Variants in STK31 observed in about 807,000 individuals in gnomAD.
STK31 encodes the protein serine/threonine kinase 31.
Under a neutral mutation model 129.7 loss-of-function variants are expected in STK31, and 89 were observed. That is an observed-to-expected ratio of 0.69 (90% CI 0.58 to 0.82). STK31 has a LOEUF of 0.82. STK31 is among the 40% of genes least tolerant of loss of function. The pLI is 0.00. For missense variants in STK31, 1,187 were observed against 1,176.4 expected (o/e 1.01, Z -0.13); for synonymous variants, 448 against 395.3 (o/e 1.13, Z -1.58).
chr7:23,741,896 G>T (rs1313733816), intron 8 of STK31, among the ~76,000 whole-genome samples: 4 of 152,200 alleles, frequency 2.6e-5, no homozygotes, highest in Non-Finnish European at 4.4e-5. Flanking sequence ...AGTCATGTCA[G>T]CCTAAAGTCA....
At chr7:23,778,872 G>A (rs182214203) in intron 15 of STK31, among the ~76,000 whole-genome samples, 37 of 151,998 alleles carry the variant, frequency 2.4e-4, no homozygotes, top group African/African-American at 8.2e-4. Context: ...GTTTTGTTCC[G>A]TTGCTGGCGA....
chr7:23,806,761 G>A (rs796335788), intron 22 of STK31, among the ~76,000 whole-genome samples: 14 of 152,172 alleles, frequency 9.2e-5, no homozygotes, highest in African/African-American at 2.4e-4. Context: ...TCAGCCGGGC[G>A]TGTTGGCTGG....
At chr7:23,821,726 C>A (rs1297859166) in intron 23 of STK31, among the ~76,000 whole-genome samples, 1 of 152,094 alleles carries the variant, frequency 6.6e-6, no homozygotes, top group African/African-American at 2.4e-5. Flanking sequence ...AAATCTTTGC[C>A]TAGGCCAATG....
chr7:23,726,252 T>G (rs1584335056), intron 4 of STK31: 1 of 151,926 alleles, frequency 6.6e-6, no homozygotes, highest in Non-Finnish European at 1.5e-5. Context: ...TGGCATCTAG[T>G]GTCTAGAGGC....
intron 22 of STK31, among the ~76,000 whole-genome samples, 191 bp from the exon 23 acceptor site, chr7:23,814,953 T>G (rs1793380363): frequency 6.6e-6 from 1 of 152,138 alleles, no homozygotes. Context: ...GATCGGTACT[T>G]TAGGAGCCCC....
At chr7:23,735,514 G>T (rs749203881) in intron 6 of STK31, 24 bp from the exon 7 acceptor site, 1 of 1,545,972 alleles carries the variant, frequency 6.5e-7, no homozygotes, top group East Asian at 2.3e-5. Context: ...TGGTGTAGCT[G>T]GTTTATGTTT....
chr7:23,732,722 C>G (rs1787504349), intron 6 of STK31, among the ~76,000 whole-genome samples: 1 of 152,138 alleles, frequency 6.6e-6, no homozygotes, highest in African/African-American at 2.4e-5. Flanking sequence ...CTTTTGTAGA[C>G]AATAGGTTAT....
intron 14 of STK31, 152 bp from the exon 15 acceptor site, chr7:23,771,995 G>A (rs1457039588): frequency 8.1e-6 from 4 of 493,518 alleles, no homozygotes; most frequent in Admixed American, 4.2e-5. Context: ...GAAATCTATT[G>A]AATTGTCTTG....
chr7:23,757,111 G>C (rs984279555), intron 10 of STK31, among the ~76,000 whole-genome samples: 2 of 152,144 alleles, frequency 1.3e-5, no homozygotes, highest in Admixed American at 6.5e-5. Context: ...CTGTGAATCT[G>C]TCTGGTCCTG....
rs950935 is a variant in STK31, at chr7:23,710,610, C to G, written c.50+275C>G. ...CACTCTCTTCCCCTTCTCGAAAATTCTGTGCCATTTAAGTTTCAAAATCCC... is the reference window on the plus strand; with the variant it reads ...CACTCTCTTCCCCTTCTCGAAAATTGTGTGCCATTTAAGTTTCAAAATCCC... On this transcript the variant is annotated intron_variant, in intron 1 of 23. Coordinates refer to ENST00000355870, the MANE Select transcript of STK31 (RefSeq NM_031414.5). 7.0e-5 allele frequency: 89 copies of G among 1,278,734 alleles called. No homozygotes were observed. The African/African-American group carries it at 1.1e-3, about 16-fold the overall frequency. 79.2% of individuals were successfully genotyped at this position (1,278,734 alleles called of 1,614,324 possible).
chr7:23,717,097 CTTTTTTTTTTTTT>C (rs70956911), intron 3 of STK31, among the ~76,000 whole-genome samples: 8,863 of 43,230 alleles, frequency 0.21, 606 homozygotes, highest in South Asian at 0.4. Flanking sequence ...TCGCAACCTG[CTTTTTTTTTTTTT>C]TTTTTTTTTT....
chr7:23,712,313 C>T (rs1412367029), intron 3 of STK31, 27 bp downstream of exon 3: 1 of 1,609,892 alleles, frequency 6.2e-7, no homozygotes, highest in African/African-American at 1.3e-5. Flanking sequence ...TTGATATCCC[C>T]CCTCACCTCC....
At chr7:23,749,766 C>A (rs1213261462) in intron 8 of STK31, among the ~76,000 whole-genome samples, 2 of 152,020 alleles carry the variant, frequency 1.3e-5, no homozygotes, top group Non-Finnish European at 2.9e-5. Context: ...GTTGTATAGT[C>A]CTGTGATTAG....
At chr7:23,804,432 C>G (rs1053491829) in intron 22 of STK31, among the ~76,000 whole-genome samples, 7 of 152,138 alleles carry the variant, frequency 4.6e-5, no homozygotes, top group Non-Finnish European at 1.5e-5. Flanking sequence ...AAAGTGGGCA[C>G]TCAAATATTA....
chr7:23,729,513 T>G (rs1160662419), intron 6 of STK31, among the ~76,000 whole-genome samples: 4 of 141,150 alleles, frequency 2.8e-5, no homozygotes, highest in Non-Finnish European at 6.1e-5. Flanking sequence ...CTCTTTTTGT[T>G]TTTTTTTTTT....
In STK31 at chr7:23,769,081, GA is replaced by G. The variant is rs770257729; in HGVS notation, c.1505del (p.Lys502SerfsTer23). 4.3e-6 allele frequency: 7 copies of G among 1,613,268 alleles called. No individual in the cohort carries two copies. The highest frequency in any genetic ancestry group is 5.9e-6 in the Non-Finnish European group (7 of 1,179,434). On this transcript the variant is annotated frameshift_variant, in exon 12 of 24. Transcript: ENST00000355870. LOFTEE classifies it high-confidence loss of function. ...AAATACTTAAAAAATTTTATGACTG[GA>G]AGTGTGATAAAAGAGAGGAGTTCAC... ...DEILKKFYDW[K>X]CDKREEFTSV...
At chr7:23,728,603 A>C (rs1369464521) in intron 5 of STK31, among the ~76,000 whole-genome samples, 1 of 152,182 alleles carries the variant, frequency 6.6e-6, no homozygotes, top group Non-Finnish European at 1.5e-5. Context: ...CTTTTTAAAC[A>C]GATGTAGAGC....
At chr7:23,748,289 A>C (rs941729006) in intron 8 of STK31, among the ~76,000 whole-genome samples, 1 of 152,034 alleles carries the variant, frequency 6.6e-6, no homozygotes, top group Non-Finnish European at 1.5e-5. Flanking sequence ...AGCTTATTCT[A>C]CTGTGGCCTG....
At chr7:23,821,756 TG>T (rs1793797908) in intron 23 of STK31, among the ~76,000 whole-genome samples, 1 of 152,192 alleles carries the variant, frequency 6.6e-6, no homozygotes, top group Admixed American at 6.5e-5. Context: ...GTTTCCCTTA[TG>T]TTTTCTTCTA....
Sources: allele counts gnomAD v4.1 joint callset (sites outside exome capture counted in the v4.1 genomes callset), GRCh38; gene constraint gnomAD v4.1.1; transcripts MANE v1.5; gene names NCBI Gene and HGNC (gene_info 2026-07-23, HGNC 2026-07-21).